Variants in GNB4 observed in about 807,000 individuals in gnomAD.
The protein encoded by GNB4 is G protein subunit beta 4, also known as guanine nucleotide-binding protein subunit beta-4.
In GNB4, 28 loss-of-function variants were observed where a neutral mutation model predicts 45.2. That is an observed-to-expected ratio of 0.62 (90% CI 0.46 to 0.85). The LOEUF (loss-of-function observed/expected upper bound fraction) is 0.85. Ranked by LOEUF, GNB4 falls within the 40% of genes least tolerant of loss-of-function variation. The pLI is 0.00. For synonymous variants in GNB4, 132 were observed against 143.7 expected (o/e 0.92, Z 0.58); for missense variants, 321 against 425.4 (o/e 0.75, Z 2.16).
intron 3 of GNB4, among the ~76,000 whole-genome samples, chr3:179,420,142 T>C (rs1714934059): frequency 6.6e-6 from 1 of 150,502 alleles, no homozygotes; most frequent in South Asian, 2.1e-4. Context: ...ATAATTTTTT[T>C]TTTTTCGAGA....
intron 8 of GNB4, among the ~76,000 whole-genome samples, chr3:179,411,679 A>G (rs1714657921): frequency 1.3e-5 from 2 of 152,234 alleles, no homozygotes; most frequent in African/African-American, 4.8e-5. Flanking sequence ...GCCTGCTCTA[A>G]AACTCTATTA....
At chr3:179,511,901 A>G in the GNB4 span, among the ~76,000 whole-genome samples, 1 of 152,210 alleles carries the variant, frequency 6.6e-6, no homozygotes, top group East Asian at 1.9e-4. Flanking sequence ...ACTGTCCAAT[A>G]TGGTAGCCCA....
chr3:179,409,831 A>AC (rs1714597382), intron 8 of GNB4, among the ~76,000 whole-genome samples: 2 of 122,334 alleles, frequency 1.6e-5, no homozygotes, highest in African/African-American at 6.4e-5. Context: ...AAAAAAACAA[A>AC]ACAAAAAAAA....
chr3:179,440,868 T>C (rs559171507), intron 1 of GNB4, among the ~76,000 whole-genome samples: 1 of 127,980 alleles, frequency 7.8e-6, no homozygotes, highest in Non-Finnish European at 1.6e-5. Context: ...AATTCCTATA[T>C]ATATAGATAG....
chr3:179,421,010 G>T, intron 2 of GNB4, 83 bp from the exon 3 acceptor site: 2 of 806,132 alleles, frequency 2.5e-6, no homozygotes, highest in Admixed American at 2.3e-5. Flanking sequence ...ACGTAGATTT[G>T]TGAATTTACT....
chr3:179,404,833 C>A (rs1031405300), intron 9 of GNB4, among the ~76,000 whole-genome samples: 1 of 152,110 alleles, frequency 6.6e-6, no homozygotes, highest in Admixed American at 6.5e-5. Context: ...CTGTCCCATA[C>A]AAGATCTGCT....
intron 9 of GNB4, among the ~76,000 whole-genome samples, chr3:179,404,635 TAAC>T (rs999954979): frequency 6.6e-6 from 1 of 152,228 alleles, no homozygotes; most frequent in Non-Finnish European, 1.5e-5. Flanking sequence ...TGTGTTTTGG[TAAC>T]AAGCTATATA....
rs187496616 is a variant in GNB4 at position 179,440,874 on chromosome 3, G to T, written c.-43+10472C>A. Among the ~76,000 whole-genome samples the T allele has an allele frequency of 4.6e-3, 556 of 121,008 alleles. 8 individuals carry two copies. The highest frequency in any genetic ancestry group is 0.016 in the African/African-American group (539 of 33,058). 79.4% of individuals were successfully genotyped at this position (121,008 alleles called of 152,430 possible). Reference sequence around the variant, plus strand: ...TTTTTTAAAAATTCCTATATATATAGATAGATAGAGAGAGAGAGAGAGAGA... The same window carrying T: ...TTTTTTAAAAATTCCTATATATATATATAGATAGAGAGAGAGAGAGAGAGA... On this transcript the variant is annotated intron_variant, in intron 1 of 9. Coordinates refer to ENST00000232564, the MANE Select transcript of GNB4 (RefSeq NM_021629.4).
the GNB4 span, among the ~76,000 whole-genome samples, chr3:179,525,487 T>C: frequency 1.3e-5 from 2 of 151,506 alleles, no homozygotes; most frequent in African/African-American, 4.8e-5. Context: ...TGAGCAGCCC[T>C]GGGCTGCAGT....
chr3:179,488,050 C>CAAA, the GNB4 span, among the ~76,000 whole-genome samples: 3 of 142,654 alleles, frequency 2.1e-5, no homozygotes, highest in Non-Finnish European at 3.1e-5. Flanking sequence ...GACTCTGTCT[C>CAAA]AAAAAAAAAA....
At chr3:179,421,480 A>G (rs1412933604) in intron 2 of GNB4, among the ~76,000 whole-genome samples, 2 of 152,378 alleles carry the variant, frequency 1.3e-5, no homozygotes, top group East Asian at 3.8e-4. Context: ...ATTTATATAC[A>G]TAGAAAAATA....
At chr3:179,465,329 C>A in the GNB4 span, 6 of 1,264,094 alleles carry the variant, frequency 4.7e-6, no homozygotes, top group Non-Finnish European at 6.8e-6. Context: ...TATGGCCGGG[C>A]GCGGTGGCTC....
chr3:179,482,122 T>G, the GNB4 span, among the ~76,000 whole-genome samples: 6 of 152,084 alleles, frequency 3.9e-5, no homozygotes, highest in East Asian at 9.6e-4. Flanking sequence ...AGGCTGGTCT[T>G]GAACTCAAGT....
chr3:179,515,236 T>C, the GNB4 span, among the ~76,000 whole-genome samples: 2 of 152,246 alleles, frequency 1.3e-5, no homozygotes, highest in Non-Finnish European at 1.5e-5. Context: ...TGTATATTGA[T>C]TCATTTAATC....
intron 8 of GNB4, among the ~76,000 whole-genome samples, chr3:179,408,827 AG>A (rs1435780626): frequency 7.3e-5 from 11 of 150,822 alleles, no homozygotes; most frequent in Non-Finnish European, 1.5e-4. Context: ...AAAAAAAAAA[AG>A]AAACTCATAG....
At chr3:179,452,279 A>G (rs987157294), upstream of GNB4, 18 of 151,788 alleles carry the variant, frequency 1.2e-4, no homozygotes, top group African/African-American at 4.1e-4. Context: ...AAATAAATGC[A>G]TCTATCCAAT....
rs1339992164 is a variant in GNB4 at position 179,415,062 on chromosome 3, C to A, written c.268-15G>T. ...ATAGCATGCATCTGTAGGGCACACA[C>A]CACACATCACTCAGATTACAAAAAC... is the stretch of plus-strand genomic sequence containing the variant. On this transcript the variant is annotated splice_polypyrimidine_tract_variant and intron_variant, in intron 5 of 9. Transcript: ENST00000232564. The A allele has an allele frequency of 1.0e-5, 16 of 1,535,940 alleles. No homozygotes were observed. In the East Asian group the frequency reaches 3.4e-4, roughly 33 times the overall value.
chr3:179,450,274 G>C (rs1178944131), intron 1 of GNB4, among the ~76,000 whole-genome samples: 1 of 152,130 alleles, frequency 6.6e-6, no homozygotes. Flanking sequence ...AATGAACAAT[G>C]GCAGAGACTC....
At chr3:179,430,079 CAGACAG>C (rs1715264904) in intron 1 of GNB4, among the ~76,000 whole-genome samples, 1 of 44,290 alleles carries the variant, frequency 2.3e-5, no homozygotes, top group Non-Finnish European at 4.8e-5. Flanking sequence ...GAGAGACAGA[CAGACAG>C]ACAGACAGAC....
Sources: gnomAD v4.1 joint callset for allele counts (sites outside exome capture counted in the v4.1 genomes callset) on GRCh38, gnomAD v4.1.1 for gene constraint, MANE v1.5 for transcripts, NCBI Gene and HGNC (gene_info 2026-07-23, HGNC 2026-07-21) for gene names.